The following NDRG4 variants were observed in gnomAD, a reference collection of about 807,000 sequenced individuals.
The protein encoded by NDRG4 is NDRG family member 4.
In NDRG4, 38 loss-of-function variants were observed where a neutral mutation model predicts 55.8. That is an observed-to-expected ratio of 0.68 (90% CI 0.53 to 0.89). The LOEUF (loss-of-function observed/expected upper bound fraction) is 0.89, where lower values mean the gene tolerates loss of function less well. NDRG4 is among the 40% of genes least tolerant of loss of function. NDRG4 has a pLI of 0.00. For missense variants in NDRG4, 455 were observed against 468.6 expected (o/e 0.97, Z 0.27); for synonymous variants, 190 against 182.7 (o/e 1.04, Z -0.32).
Position 58,492,659 on chromosome 16 carries a change from G to A in NDRG4, c.73-2305G>A, listed in dbSNP as rs139353221. 8.8e-3 allele frequency among the ~76,000 whole-genome samples: 1,331 copies of A among 152,024 alleles called. 14 individuals carry two copies. Among genetic ancestry groups the A allele is most frequent in the East Asian group, 0.013 (66 of 5,152 alleles). On this transcript the variant is annotated intron_variant, in intron 2 of 15. Transcript: ENST00000258187. ...TGGGCTCAAGTGATCCTCTTGCCTC[G>A]GCCTTCCAAAGTGCAGGAATTGCAG...
upstream of NDRG4, chr16:58,499,804 TG>T: frequency 6.5e-6 from 2 of 309,908 alleles, no homozygotes; most frequent in Middle Eastern, 1.2e-3. Context: ...CGACCCTGTG[TG>T]TACCTGACAT....
intron 5 of NDRG4, 125 bp from the exon 6 acceptor site, chr16:58,506,260 GGT>G (rs2037992891): frequency 1.2e-5 from 10 of 839,502 alleles, no homozygotes; most frequent in Non-Finnish European, 2.1e-5. Flanking sequence ...TCTGGACATG[GGT>G]GTGCATGCAC....
intron 2 of NDRG4, among the ~76,000 whole-genome samples, chr16:58,488,714 C>G (rs1429064669): frequency 6.6e-6 from 1 of 152,164 alleles, no homozygotes; most frequent in African/African-American, 2.4e-5. Flanking sequence ...TGGAACTGTG[C>G]AGCCAGCCAG....
At chr16:58,507,311 G>C in intron 8 of NDRG4, 1 of 450,696 alleles carries the variant, frequency 2.2e-6, no homozygotes. Flanking sequence ...ACCCAGCCTT[G>C]ATGTTGACGT....
rs1006421866 is a variant in NDRG4, at chr16:58,508,334, C to T, written c.729+335C>T. ...TACGATCTTTTTTCTAAAATGTGAT[C>T]AAGCCATTATAAATCATTAACGCAT... is the stretch of plus-strand genomic sequence containing the variant. On this transcript the variant is annotated intron_variant, in intron 10 of 14. Transcript: ENST00000570248. Among the ~76,000 whole-genome samples, 12 of 152,224 alleles carry T rather than the reference C, an allele frequency of 7.9e-5. 1 individual carries two copies. Among genetic ancestry groups the T allele is most frequent in the Non-Finnish European group, 1.5e-5 (1 of 68,042 alleles).
chr16:58,467,195 T>G (rs1446242322), intron 1 of NDRG4, among the ~76,000 whole-genome samples: 1 of 152,080 alleles, frequency 6.6e-6, no homozygotes, highest in African/African-American at 2.4e-5. Flanking sequence ...CCTTAGGAAA[T>G]TTTTACTGAA....
At chr16:58,497,411 A>T (rs1049235384), upstream of NDRG4, among the ~76,000 whole-genome samples, 5 of 152,346 alleles carry the variant, frequency 3.3e-5, no homozygotes, top group East Asian at 7.7e-4. Context: ...ACATTTGAAC[A>T]TAGTGTTTGC....
intron 7 of NDRG4, 126 bp downstream of exon 7, chr16:58,506,740 AAGAC>A (rs2151826353): frequency 8.0e-7 from 1 of 1,247,244 alleles, no homozygotes; most frequent in South Asian, 1.3e-5. Flanking sequence ...AGCCATCTGA[AAGAC>A]AGACATCCCC....
At chr16:58,491,449 T>G (rs1172228645) in intron 2 of NDRG4, among the ~76,000 whole-genome samples, 1 of 78,754 alleles carries the variant, frequency 1.3e-5, no homozygotes. Flanking sequence ...GCATCCATCC[T>G]TTTCACTTTT....
intron 13 of NDRG4, among the ~76,000 whole-genome samples, chr16:58,509,557 G>A (rs550094728): frequency 6.6e-6 from 1 of 152,198 alleles, no homozygotes; most frequent in East Asian, 1.9e-4. Context: ...CCCAGGCTGT[G>A]CCCAACTCCC....
chr16:58,487,673 C>A, intron 1 of NDRG4: 1 of 1,174,464 alleles, frequency 8.5e-7, no homozygotes, highest in South Asian at 1.5e-5. Flanking sequence ...TTCCGCGCTC[C>A]CGCCCCAGCC....
chr16:58,500,045 T>C (rs2151766078), upstream of NDRG4: 1 of 1,407,334 alleles, frequency 7.1e-7, no homozygotes, highest in East Asian at 2.6e-5. Context: ...CTGGGGCTCC[T>C]GGTAAGCGAG....
chr16:58,490,198 C>T (rs1048716491), intron 2 of NDRG4, among the ~76,000 whole-genome samples: 1 of 152,224 alleles, frequency 6.6e-6, no homozygotes, highest in African/African-American at 2.4e-5. Flanking sequence ...TTTGATAGGG[C>T]AGATGGTGGC....
Position 58,507,982 on chromosome 16 carries a change from C to T in NDRG4, c.712C>T (p.Pro238Ser). ...GATGCTGGTGGTTGGGGATAATGCA[C>T]CCGCTGAGGACGGGGTGGTAAGTGA... The part of the protein sequence containing the change: ...PVMLVVGDNA[P>S]AEDGVVECNS... The change falls in exon 10 of 15, where the codon CCC becomes TCC. Residue 238 changes from proline (P) to serine (S), a missense_variant. Pro to Ser is a moderately conservative substitution (Grantham distance 74, BLOSUM62 -1). Coordinates refer to ENST00000570248, the MANE Select transcript of NDRG4 (RefSeq NM_001242835.2). 1 of 1,587,678 alleles carries T rather than the reference C, an allele frequency of 6.3e-7. No individual in the cohort carries two copies. Among genetic ancestry groups the T allele is most frequent in the African/African-American group, 1.3e-5 (1 of 74,736 alleles).
upstream of NDRG4, chr16:58,496,793 C>T (rs905621994): frequency 6.6e-6 from 1 of 152,136 alleles, no homozygotes; most frequent in African/African-American, 2.4e-5. Flanking sequence ...CACCAAACTG[C>T]CTGGGTGTGG....
intron 2 of NDRG4, among the ~76,000 whole-genome samples, chr16:58,493,455 G>A (rs2036024584): frequency 6.6e-6 from 1 of 152,220 alleles, no homozygotes. Context: ...TTTTAGTAGA[G>A]ACACGGTTTT....
intron 7 of NDRG4, 112 bp downstream of exon 7, chr16:58,506,726 G>A: frequency 7.6e-7 from 1 of 1,315,092 alleles, no homozygotes; most frequent in Non-Finnish European, 1.1e-6. Context: ...CACTCCAGAT[G>A]CTAAGCCATC....
At chr16:58,502,247 G>A (rs2037258705) in intron 1 of NDRG4, 1 of 341,596 alleles carries the variant, frequency 2.9e-6, no homozygotes, top group South Asian at 2.2e-5. Flanking sequence ...CAGTGGCGGG[G>A]AAGTGTTCCT....
chr16:58,485,242 G>A lies in NDRG4; in HGVS notation c.-23-2514G>A, dbSNP rs558459091. Among the ~76,000 whole-genome samples, 277 of 152,206 alleles carry A rather than the reference G, an allele frequency of 1.8e-3. 2 individuals are homozygous for A. The highest frequency in any genetic ancestry group is 6.2e-3 in the African/African-American group (259 of 41,536). Reference sequence around the variant, plus strand: ...GTGCTGTGGAAATGTCTGCTCTGGCGTCTTTCTTGTGGAGCCCCACAACTC... The same window carrying A: ...GTGCTGTGGAAATGTCTGCTCTGGCATCTTTCTTGTGGAGCCCCACAACTC... On this transcript the variant is annotated intron_variant, in intron 1 of 15. Transcript: ENST00000258187.
Sources: gnomAD v4.1 joint callset for allele counts (sites outside exome capture counted in the v4.1 genomes callset) on GRCh38, gnomAD v4.1.1 for gene constraint, MANE v1.5 for transcripts, NCBI Gene and HGNC (gene_info 2026-07-23, HGNC 2026-07-21) for gene names.